Variants in HERC1 observed in about 807,000 individuals in gnomAD.
HERC1 encodes probable E3 ubiquitin-protein ligase HERC1.
In HERC1, 160 loss-of-function variants were observed where a neutral mutation model predicts 554.3. That is an observed-to-expected ratio of 0.29 (90% CI 0.25 to 0.33). The LOEUF is 0.33. Ranked by LOEUF, HERC1 falls within the 10% of genes least tolerant of loss-of-function variation. The pLI is 1.00. For synonymous variants in HERC1, 2,175 were observed against 2,131.7 expected (o/e 1.02, Z -0.56); for missense variants, 4,919 against 5,918.5 (o/e 0.83, Z 5.54).
intron 8 of HERC1, among the ~76,000 whole-genome samples, chr15:63,750,550 TC>T (rs1423408538): frequency 3.9e-5 from 6 of 152,236 alleles, no homozygotes; most frequent in Non-Finnish European, 7.3e-5. Context: ...ATTCTTATCT[TC>T]ATGCCATCAA....
intron 1 of HERC1, among the ~76,000 whole-genome samples, chr15:63,790,568 A>C (rs913496108): frequency 6.6e-6 from 1 of 151,584 alleles, no homozygotes; most frequent in African/African-American, 2.4e-5. Flanking sequence ...ACACAGCAAG[A>C]CTCCGTCTCA....
chr15:63,714,632 C>T (rs796277663), intron 22 of HERC1, among the ~76,000 whole-genome samples: 41 of 147,646 alleles, frequency 2.8e-4, no homozygotes, highest in African/African-American at 9.5e-4. Flanking sequence ...TCACTGCAAC[C>T]TCCACCCCCA....
intron 77 of HERC1, among the ~76,000 whole-genome samples, chr15:63,611,238 G>C (rs1051673236): frequency 2.6e-5 from 4 of 152,226 alleles, no homozygotes; most frequent in African/African-American, 9.6e-5. Context: ...ATCAGAAAGT[G>C]GGGCAGAGGC....
chr15:63,697,670 G>C (rs1157818059), intron 26 of HERC1, among the ~76,000 whole-genome samples: 1 of 152,096 alleles, frequency 6.6e-6, no homozygotes. Context: ...GGTGAGGCTG[G>C]TTTCAAACTC....
chr15:63,698,191 G>C (rs1012426779), intron 26 of HERC1, among the ~76,000 whole-genome samples: 1 of 152,058 alleles, frequency 6.6e-6, no homozygotes, highest in Non-Finnish European at 1.5e-5. Context: ...CGAGGCAAGT[G>C]GATCACCTGA....
chr15:63,625,486 G>A (rs1200851689), intron 71 of HERC1, among the ~76,000 whole-genome samples: 1 of 152,036 alleles, frequency 6.6e-6, no homozygotes, highest in Non-Finnish European at 1.5e-5. Context: ...TTGAGGTCAG[G>A]AGTTCGAGAC....
chr15:63,664,693 G>T, intron 42 of HERC1, 99 bp from the exon 43 acceptor site: 2 of 992,700 alleles, frequency 2.0e-6, no homozygotes, highest in Non-Finnish European at 2.9e-6. Flanking sequence ...TATTCTCATT[G>T]AGAATAAAAT....
chr15:63,644,499 GT>G (rs552291680), intron 57 of HERC1, among the ~76,000 whole-genome samples: 8 of 147,910 alleles, frequency 5.4e-5, no homozygotes, highest in East Asian at 2.0e-4. Flanking sequence ...AAGCTTCTTT[GT>G]TTTTTTTTTC....
chr15:63,635,606 T>A (rs1243000993), intron 65 of HERC1, among the ~76,000 whole-genome samples: 3 of 152,226 alleles, frequency 2.0e-5, no homozygotes, highest in African/African-American at 7.2e-5. Context: ...TTTTGTAACA[T>A]AAATGATAGG....
chr15:63,641,607 C>T lies in HERC1; in HGVS notation c.11470G>A (p.Ala3824Thr). 1.3e-6 allele frequency: 2 copies of T among 1,578,272 alleles called. No individual in the cohort carries two copies. Among genetic ancestry groups the T allele is most frequent in the Non-Finnish European group, 1.7e-6 (2 of 1,160,102 alleles). ...LVVNCTAEWA[A>T]ANHVLATCRT... Reference sequence around the variant, plus strand: ...CAGGTTGCCAAAACATGATTGGCAGCTGCCCATTCTGCTGTACAATTCACG... The same window carrying T: ...CAGGTTGCCAAAACATGATTGGCAGTTGCCCATTCTGCTGTACAATTCACG... Residue 3824 changes from alanine to threonine, a missense_variant, in exon 60 of 78, where the codon GCT becomes ACT. By Grantham distance (58) the Ala-to-Thr change is moderately conservative (BLOSUM62 0). Transcript: ENST00000443617.
At chr15:63,777,303 G>A (rs55989641) in intron 1 of HERC1, among the ~76,000 whole-genome samples, 1,880 of 152,240 alleles carry the variant, frequency 0.012, 35 homozygotes, top group African/African-American at 0.043. Context: ...TACTTGTAAA[G>A]TATGCACTTA....
At chr15:63,786,435 A>G (rs946269240) in intron 1 of HERC1, among the ~76,000 whole-genome samples, 1 of 152,208 alleles carries the variant, frequency 6.6e-6, no homozygotes. Context: ...ACATGTTCAT[A>G]TGAAAACTTG....
Position 63,750,229 on chromosome 15 carries a change from T to C in HERC1, c.1903-438A>G, listed in dbSNP as rs564829919. 4.6e-5 allele frequency among the ~76,000 whole-genome samples: 7 copies of C among 152,348 alleles called. No homozygotes were observed. In the South Asian group the frequency reaches 1.5e-3, roughly 32 times the overall value. ...ATATAAATCACAAAACTGATGTTTA[T>C]TATTTAGTTTTAGAAATACCTCACC... On this transcript the variant is annotated intron_variant, in intron 8 of 77. Coordinates refer to ENST00000443617, the MANE Select transcript of HERC1 (RefSeq NM_003922.4).
At chr15:63,621,293 C>A (rs1007849250) in intron 74 of HERC1, among the ~76,000 whole-genome samples, 1 of 152,120 alleles carries the variant, frequency 6.6e-6, no homozygotes, top group African/African-American at 2.4e-5. Flanking sequence ...GTTGAAAATT[C>A]TTTTCTTTAA....
intron 1 of HERC1, among the ~76,000 whole-genome samples, chr15:63,831,006 TTA>T (rs2078133545): frequency 2.0e-5 from 3 of 152,372 alleles, no homozygotes; most frequent in Non-Finnish European, 2.9e-5. Flanking sequence ...GACCAACTTT[TTA>T]TGTTTTCAAC....
rs753681582 is a variant in HERC1 at position 63,666,010 on chromosome 15, C to G, written c.8464G>C (p.Gly2822Arg). The change falls in exon 42 of 78, where the codon GGC becomes CGC. Residue 2822 changes from glycine (G) to arginine (R), a missense_variant. Physicochemically the swap from Gly to Arg is moderately radical, Grantham distance 125. This residue lies in a region of HERC1 where 1,963 missense variants were observed against 2,228.6 expected (regional missense o/e 0.88). Transcript: ENST00000443617. The part of the protein sequence containing the change: ...SRPGAAVLGS[G>R]GKSNDPCYLQ... ...TAACAGGGATCATTTGACTTCCCGCCACTGCCTAGAACGGCTGCTCCAGGC... is the reference window on the plus strand; with the variant it reads ...TAACAGGGATCATTTGACTTCCCGCGACTGCCTAGAACGGCTGCTCCAGGC... The G allele has an allele frequency of 6.2e-7, 1 of 1,614,026 alleles. No individual in the cohort carries two copies. The highest frequency in any genetic ancestry group is 1.7e-5 in the Admixed American group (1 of 60,028).
At chr15:63,686,920 G>C (rs960473680) in intron 33 of HERC1, among the ~76,000 whole-genome samples, 1 of 152,176 alleles carries the variant, frequency 6.6e-6, no homozygotes, top group Non-Finnish European at 1.5e-5. Context: ...AAATGAGAGA[G>C]GCATTTTAAG....
chr15:63,748,250 C>A (rs1486982008), intron 10 of HERC1, among the ~76,000 whole-genome samples: 2 of 151,928 alleles, frequency 1.3e-5, no homozygotes, highest in African/African-American at 4.8e-5. Context: ...TACATATATA[C>A]ATTAAAGCTG....
At chr15:63,781,559 T>C (rs1033435863) in intron 1 of HERC1, among the ~76,000 whole-genome samples, 5 of 152,208 alleles carry the variant, frequency 3.3e-5, no homozygotes, top group Non-Finnish European at 7.3e-5. Flanking sequence ...GTGTTTTGAC[T>C]GCTCTACCAA....
Sources: allele counts gnomAD v4.1 joint callset (sites outside exome capture counted in the v4.1 genomes callset), GRCh38; gene constraint gnomAD v4.1.1; regional missense constraint gnomAD v4.1.1; transcripts MANE v1.5; gene names NCBI Gene and HGNC (gene_info 2026-07-23, HGNC 2026-07-21).